The following DHX30 variants were observed in gnomAD, a reference collection of about 807,000 sequenced individuals.
The protein encoded by DHX30 is ATP-dependent RNA helicase DHX30.
DHX30 carries 4 observed loss-of-function variants against 116.9 expected under a neutral mutation model. The ratio of observed to expected loss-of-function variants is 0.03; its 90% CI spans 0.02 to 0.08. The LOEUF (loss-of-function observed/expected upper bound fraction) is 0.08, where lower values mean the gene tolerates loss of function less well. Ranked by LOEUF, DHX30 falls within the 10% of genes least tolerant of loss-of-function variation. The pLI is 1.00. For synonymous variants in DHX30, 697 were observed against 651.7 expected, an observed-to-expected ratio of 1.07 and a Z score of -1.06; for missense variants, 871 against 1,595.1, an observed-to-expected ratio of 0.55 and a Z score of 7.73.
Position 47,847,671 on chromosome 3 carries a change from A to G in DHX30, c.2111-110A>G, listed in dbSNP as rs1000322488. 158 of 1,480,462 alleles carry G rather than the reference A, an allele frequency of 1.1e-4. No individual in the cohort carries two copies. Among genetic ancestry groups the G allele is most frequent in the Non-Finnish European group, 1.4e-4 (154 of 1,101,062 alleles). The allele number at this position is 1,480,462 out of a possible 1,614,324, so 91.7% of individuals were successfully genotyped here. ...GCACTTTTCACTGGGCATAGTGTTT[A>G]TCTGCGCCTGTTTCATCAAAATGGG... On this transcript the variant is annotated intron_variant, in intron 13 of 21. Transcript: ENST00000445061. The surrounding 1 kb of genome is among the most constrained non-coding windows in gnomAD (Gnocchi z 5.5).
chr3:47,845,257 G>A (rs906849257), intron 9 of DHX30, among the ~76,000 whole-genome samples: 3 of 152,028 alleles, frequency 2.0e-5, no homozygotes, highest in African/African-American at 4.8e-5. Context: ...TCATGATCTC[G>A]GCTCACTGCA....
chr3:47,810,777 G>A, intron 3 of DHX30, 66 bp downstream of exon 3: 1 of 1,506,192 alleles, frequency 6.6e-7, no homozygotes, highest in Non-Finnish European at 9.2e-7. Flanking sequence ...TCTGAGGGCT[G>A]TGAAAGTCTC....
At chr3:47,804,406 T>G (rs946181620) in intron 1 of DHX30, among the ~76,000 whole-genome samples, 53 of 152,086 alleles carry the variant, frequency 3.5e-4, no homozygotes, top group Non-Finnish European at 1.5e-4. Flanking sequence ...AATACAAAAA[T>G]TAGCCGGGCA....
chr3:47,822,476 A>G (rs113410951), intron 4 of DHX30, among the ~76,000 whole-genome samples: 1,886 of 28,442 alleles, frequency 0.066, 43 homozygotes, highest in African/African-American at 0.11. Context: ...CAAGAGAGAA[A>G]GACAGAACCA....
At chr3:47,844,576 T>C (rs2037516249) in intron 9 of DHX30, among the ~76,000 whole-genome samples, 1 of 152,192 alleles carries the variant, frequency 6.6e-6, no homozygotes, top group Non-Finnish European at 1.5e-5. Context: ...TCCTGTCCTT[T>C]AGGTCCTTAT....
At chr3:47,819,248 C>T (rs766532885) in intron 4 of DHX30, 2 of 1,367,728 alleles carry the variant, frequency 1.5e-6, no homozygotes, top group Admixed American at 1.9e-5. Flanking sequence ...TGAACGTTAA[C>T]ATTTCCAACA....
At chr3:47,841,534 GT>G (rs1576509354) in intron 7 of DHX30, 82 bp from the exon 8 acceptor site, 1 of 1,589,494 alleles carries the variant, frequency 6.3e-7, no homozygotes, top group East Asian at 2.2e-5. Flanking sequence ...GCAGCGCAGC[GT>G]CCTCACCCCT....
chr3:47,806,593 G>A (rs2035536937), intron 2 of DHX30, among the ~76,000 whole-genome samples: 1 of 151,900 alleles, frequency 6.6e-6, no homozygotes, highest in Non-Finnish European at 1.5e-5. Flanking sequence ...CTACAGGCGT[G>A]CACCACCACG....
intron 6 of DHX30, among the ~76,000 whole-genome samples, chr3:47,838,712 C>T (rs2037232724): frequency 6.6e-6 from 1 of 152,304 alleles, no homozygotes; most frequent in African/African-American, 2.4e-5. Flanking sequence ...TGCTGTCCCG[C>T]AGACTTTGTC....
At chr3:47,804,393 A>G (rs2035428647) in intron 1 of DHX30, among the ~76,000 whole-genome samples, 1 of 152,156 alleles carries the variant, frequency 6.6e-6, no homozygotes, top group Admixed American at 6.6e-5. Context: ...CGTTTCTACT[A>G]AAAATACAAA....
intron 7 of DHX30, 101 bp downstream of exon 7, chr3:47,841,279 G>A (rs2037364431): frequency 6.0e-6 from 9 of 1,489,198 alleles, no homozygotes; most frequent in Non-Finnish European, 6.3e-6. Flanking sequence ...GAGCGCCCCT[G>A]CCTCACATTT....
At chr3:47,832,940 C>CTTTTT (rs752858732) in intron 6 of DHX30, among the ~76,000 whole-genome samples, 2 of 118,718 alleles carry the variant, frequency 1.7e-5, no homozygotes, top group Non-Finnish European at 3.5e-5. Context: ...TGCCTGGCCT[C>CTTTTT]TTTTTTTTTT....
chr3:47,843,376 A>T, intron 9 of DHX30, 121 bp downstream of exon 9: 1 of 1,358,474 alleles, frequency 7.4e-7, no homozygotes, highest in Non-Finnish European at 1.0e-6. Flanking sequence ...TTTGCCTGGC[A>T]CAAAGACAGC....
intron 19 of DHX30, 36 bp from the exon 20 acceptor site, chr3:47,849,415 G>C: frequency 6.3e-7 from 1 of 1,576,344 alleles, no homozygotes; most frequent in East Asian, 2.3e-5. Flanking sequence ...GCAGCTCCTT[G>C]CTCAGCCCCA....
At chr3:47,805,285 A>T (rs939595825) in intron 1 of DHX30, 41 bp from the exon 2 acceptor site, 7 of 398,826 alleles carry the variant, frequency 1.8e-5, no homozygotes, top group African/African-American at 1.4e-4. Flanking sequence ...TTCTTTCCCT[A>T]TGGGGCCTCC....
chr3:47,846,893 C>G lies in DHX30; in HGVS notation c.1821C>G (p.Pro607=). 1 of 1,613,214 alleles carries G rather than the reference C, an allele frequency of 6.2e-7. No individual in the cohort carries two copies. Among genetic ancestry groups the G allele is most frequent in the South Asian group, 1.1e-5 (1 of 91,076 alleles). The change falls in exon 11 of 22, where the codon CCC becomes CCG. Residue 607 remains proline, a synonymous_variant. Coordinates refer to ENST00000445061, the MANE Select transcript of DHX30 (RefSeq NM_138615.3). ...TCTCCCGATACTTTGGTGGCTGCCC[C>G]GTCATCAAGGTGCCTGGCTTCATGT... ...ERFSRYFGGC[P]VIKVPGFMYP...
chr3:47,814,073 G>GT lies in DHX30; in HGVS notation c.28+3363dup, dbSNP rs2035926602. ...GTCGATGAAAGCAGGTTTTCTCATG[G>GT]TGAGTGTCTCTGAATTAATAGTACT... On this transcript the variant is annotated intron_variant, in intron 3 of 21. Transcript: ENST00000445061. 2.0e-5 allele frequency among the ~76,000 whole-genome samples: 3 copies of GT among 151,542 alleles called. No homozygotes were observed. In the South Asian group the frequency reaches 6.3e-4, roughly 32 times the overall value.
intron 9 of DHX30, among the ~76,000 whole-genome samples, chr3:47,845,060 G>C (rs1326537859): frequency 2.0e-5 from 3 of 152,108 alleles, no homozygotes; most frequent in Non-Finnish European, 4.4e-5. Flanking sequence ...AATTCACAGA[G>C]GTGACAGTGG....
At chr3:47,820,279 A>C (rs564447420) in intron 4 of DHX30, among the ~76,000 whole-genome samples, 2 of 151,846 alleles carry the variant, frequency 1.3e-5, no homozygotes, top group African/African-American at 2.4e-5. Context: ...GCACCACTAC[A>C]CTATAGCCTG....
Sources: gnomAD v4.1 joint callset for allele counts (sites outside exome capture counted in the v4.1 genomes callset) on GRCh38, gnomAD v4.1.1 for gene constraint, Gnocchi (gnomAD v3.1) non-coding constraint, MANE v1.5 for transcripts, NCBI Gene and HGNC (gene_info 2026-07-23, HGNC 2026-07-21) for gene names.